DYNC2H1: variants seen among roughly 807,000 people sequenced by gnomAD.
The protein encoded by DYNC2H1 is cytoplasmic dynein 2 heavy chain 1.
In DYNC2H1, 410 loss-of-function variants were observed where a neutral mutation model predicts 570.0. That is an observed-to-expected ratio of 0.72 (90% CI 0.66 to 0.78). DYNC2H1 has a LOEUF of 0.78. Among genes scored for constraint, DYNC2H1 ranks in the 30% least tolerant of loss-of-function variants. DYNC2H1 has a pLI of 0.00. For synonymous variants in DYNC2H1, 1,688 were observed against 1,677.6 expected, an observed-to-expected ratio of 1.01 and a Z score of -0.15; for missense variants, 4,865 against 5,046.4, an observed-to-expected ratio of 0.96 and a Z score of 1.09.
rs775389478 is a variant in DYNC2H1 at position 103,113,595 on chromosome 11, T to A, written c.254T>A (p.Val85Glu). 5 of 1,578,826 alleles carry A rather than the reference T, an allele frequency of 3.2e-6. No homozygotes were observed. In the Admixed American group the frequency reaches 9.3e-5, roughly 29 times the overall value. Residue 85 changes from valine to glutamate, a missense_variant, in exon 2 of 89, where the codon GTA (valine) becomes GAA (glutamate). By Grantham distance (121) the Val-to-Glu change is moderately radical. This residue lies in a region of DYNC2H1 where 1,936 missense variants were observed against 1,962.1 expected (regional missense o/e 0.99). Transcript: ENST00000375735. ...GTGTTTTTCAAGCTGCGACCTGAAG[T>A]AATTACTGATGAGAATCTACATGAT... Reference protein sequence around the residue: ...VLVFFKLRPEVITDENLHDNI... With the variant: ...VLVFFKLRPEEITDENLHDNI...
intron 26 of DYNC2H1, among the ~76,000 whole-genome samples, chr11:103,158,213 C>T (rs1280559881): frequency 2.0e-5 from 3 of 152,202 alleles, no homozygotes; most frequent in South Asian, 2.1e-4. Flanking sequence ...TTTGGGAGGC[C>T]GAGGCGGGCG....
In DYNC2H1 at chr11:103,205,832, A is replaced by AG. The variant is rs1862902291; in HGVS notation, c.8454+869dup. Reference sequence around the variant, plus strand: ...TAAGAGGCAACTTCACCTGGAGCAGAGTGATTGAGGGGAGAGTTGGTGAAG... The same window carrying AG: ...TAAGAGGCAACTTCACCTGGAGCAGAGGTGATTGAGGGGAGAGTTGGTGAAG... On this transcript the variant is annotated intron_variant, in intron 52 of 88. Coordinates refer to ENST00000375735, the MANE Select transcript of DYNC2H1 (RefSeq NM_001377.3). This position sits in a 1 kb window ranked among gnomAD's most constrained non-coding sequence, Gnocchi z 4.5. Among the ~76,000 whole-genome samples the AG allele has an allele frequency of 6.6e-6, 1 of 152,132 alleles. No individual in the cohort carries two copies. The highest frequency in any genetic ancestry group is 2.4e-5 in the African/African-American group (1 of 41,432).
intron 82 of DYNC2H1, among the ~76,000 whole-genome samples, chr11:103,352,586 G>A (rs1032055518): frequency 2.0e-5 from 3 of 152,152 alleles, no homozygotes; most frequent in African/African-American, 7.2e-5. Context: ...TATGATCTGT[G>A]TGATATCAAC....
intron 87 of DYNC2H1, among the ~76,000 whole-genome samples, chr11:103,459,373 T>G (rs1944922710): frequency 6.7e-6 from 1 of 150,120 alleles, no homozygotes; most frequent in Admixed American, 6.6e-5. Flanking sequence ...GCTCAAAAAA[T>G]TTGTTTTCGT....
intron 13 of DYNC2H1, among the ~76,000 whole-genome samples, chr11:103,131,897 C>G (rs1005820538): frequency 1.5e-4 from 23 of 152,196 alleles, no homozygotes; most frequent in Middle Eastern, 3.4e-3. Context: ...TAATTATTGT[C>G]TAGGAAAGCA....
At chr11:103,116,776 ATCCTTTAAGTCCTTACTTAAAATGC>A in intron 5 of DYNC2H1, 62 bp downstream of exon 5, 2 of 1,478,338 alleles carry the variant, frequency 1.4e-6, no homozygotes, top group Non-Finnish European at 1.8e-6. Flanking sequence ...TTATCTTTTT[ATCCTTTAAGTCCTTACTTAAAATGC>A]TCCTTTATGT....
intron 70 of DYNC2H1, among the ~76,000 whole-genome samples, chr11:103,274,029 T>C (rs1350761369): frequency 6.6e-6 from 1 of 152,146 alleles, no homozygotes; most frequent in East Asian, 1.9e-4. Context: ...GGGGCTTTGC[T>C]TCTGTTCTTG....
chr11:103,295,950 C>G (rs1321317391), intron 75 of DYNC2H1, among the ~76,000 whole-genome samples: 1 of 152,128 alleles, frequency 6.6e-6, no homozygotes, highest in African/African-American at 2.4e-5. Flanking sequence ...TCTCTCTGGT[C>G]CTCCTGATTC....
chr11:103,126,479 T>C (rs1859008146), intron 12 of DYNC2H1, among the ~76,000 whole-genome samples: 1 of 152,198 alleles, frequency 6.6e-6, no homozygotes, highest in Non-Finnish European at 1.5e-5. Context: ...TCAGGCCTTG[T>C]GGTAGATGCT....
rs1287398444 is a variant in DYNC2H1 at position 103,201,483 on chromosome 11, G to A, written c.8197+1329G>A. On this transcript the variant is annotated intron_variant, in intron 50 of 88. Coordinates refer to ENST00000375735, the MANE Select transcript of DYNC2H1 (RefSeq NM_001377.3). The surrounding 1 kb of genome is among the most constrained non-coding windows in gnomAD (Gnocchi z 4.8). ...CCTAATTGCACGTTAGAATCACTAG[G>A]ATAATTAAAAACAACAACAACAACA... Among the ~76,000 whole-genome samples the A allele has an allele frequency of 1.3e-5, 2 of 151,958 alleles. No individual in the cohort carries two copies. Among genetic ancestry groups the A allele is most frequent in the African/African-American group, 4.8e-5 (2 of 41,358 alleles).
chr11:103,295,237 G>T (rs1162762788), intron 75 of DYNC2H1, among the ~76,000 whole-genome samples: 4 of 152,188 alleles, frequency 2.6e-5, no homozygotes, highest in African/African-American at 9.7e-5. Context: ...ACTTCCCTCT[G>T]GCCCCGGGCT....
intron 21 of DYNC2H1, among the ~76,000 whole-genome samples, chr11:103,152,756 G>A (rs972442166): frequency 9.2e-5 from 14 of 152,236 alleles, no homozygotes; most frequent in East Asian, 1.9e-4. Context: ...CATCTCTAGC[G>A]TATTGTCCAG....
chr11:103,116,649 T>C lies in DYNC2H1; in HGVS notation c.701T>C (p.Val234Ala), dbSNP rs1233767873. 1 of 1,610,062 alleles carries C rather than the reference T, an allele frequency of 6.2e-7. No individual in the cohort carries two copies. The highest frequency in any genetic ancestry group is 1.3e-5 in the African/African-American group (1 of 74,896). Residue 234 changes from valine (V) to alanine (A), a missense_variant, in exon 5 of 89, where the codon GTG (valine) becomes GCG (alanine). Val to Ala is a moderately conservative substitution (Grantham distance 64). This residue lies in a region of DYNC2H1 where 1,936 missense variants were observed against 1,962.1 expected (regional missense o/e 0.99). Coordinates refer to ENST00000375735, the MANE Select transcript of DYNC2H1 (RefSeq NM_001377.3). ...VETTQDVVDD[V>A]WRQTEHDHYP... Reference sequence around the variant, plus strand: ...ACTACTCAGGATGTTGTAGATGATGTGTGGAGACAAACAGAACATGATCAT... The same window carrying C: ...ACTACTCAGGATGTTGTAGATGATGCGTGGAGACAAACAGAACATGATCAT...
chr11:103,331,843 C>T (rs146690215), intron 82 of DYNC2H1, among the ~76,000 whole-genome samples: 75 of 152,178 alleles, frequency 4.9e-4, no homozygotes, highest in Non-Finnish European at 8.8e-4. Flanking sequence ...GGGCAGATCA[C>T]GAGGTCAGGA....
chr11:103,125,926 G>A (rs1858972957), intron 12 of DYNC2H1, among the ~76,000 whole-genome samples: 1 of 152,134 alleles, frequency 6.6e-6, no homozygotes, highest in South Asian at 2.1e-4. Context: ...GGAAAACTCA[G>A]TGTGATTGTT....
At chr11:103,473,395 T>C (rs1210776790) in intron 88 of DYNC2H1, among the ~76,000 whole-genome samples, 1 of 151,746 alleles carries the variant, frequency 6.6e-6, no homozygotes, top group Admixed American at 6.6e-5. Flanking sequence ...TTCGGTGCAG[T>C]ATTTTTGGTT....
At chr11:103,137,167 T>G (rs1179315484) in intron 17 of DYNC2H1, among the ~76,000 whole-genome samples, 1 of 148,448 alleles carries the variant, frequency 6.7e-6, no homozygotes, top group African/African-American at 2.5e-5. Flanking sequence ...TTTCTCCCAT[T>G]TTGTAGGTTG....
At chr11:103,155,587 A>G (rs1451418357) in intron 25 of DYNC2H1, 86 bp downstream of exon 25, 1 of 1,350,696 alleles carries the variant, frequency 7.4e-7, no homozygotes, top group Non-Finnish European at 9.8e-7. Context: ...ATACAAAAAA[A>G]GTCTTCCTTT....
intron 85 of DYNC2H1, among the ~76,000 whole-genome samples, chr11:103,440,472 A>G (rs1944227997): frequency 6.6e-6 from 1 of 152,094 alleles, no homozygotes; most frequent in African/African-American, 2.4e-5. Flanking sequence ...TTGCTCTACT[A>G]CCAAATCCTG....
Sources: allele counts gnomAD v4.1 joint callset (sites outside exome capture counted in the v4.1 genomes callset), GRCh38; gene constraint gnomAD v4.1.1; regional missense constraint gnomAD v4.1.1; non-coding constraint Gnocchi (gnomAD v3.1); transcripts MANE v1.5; gene names NCBI Gene and HGNC (gene_info 2026-07-23, HGNC 2026-07-21).